Variants in RNGTT observed in about 807,000 individuals in gnomAD.
The protein encoded by RNGTT is mRNA-capping enzyme.
Under a neutral mutation model 79.3 loss-of-function variants are expected in RNGTT, and 33 were observed. That is an observed-to-expected ratio of 0.42 (90% CI 0.32 to 0.56). The LOEUF is 0.56. Ranked by LOEUF, RNGTT falls within the 20% of genes least tolerant of loss-of-function variation. RNGTT has a pLI of 0.17. For synonymous variants in RNGTT, 222 were observed against 235.9 expected, an observed-to-expected ratio of 0.94 and a Z score of 0.54; for missense variants, 497 against 739.1, an observed-to-expected ratio of 0.67 and a Z score of 3.80.
At chr6:88,625,052 C>T (rs1048529908) in intron 14 of RNGTT, among the ~76,000 whole-genome samples, 2 of 151,784 alleles carry the variant, frequency 1.3e-5, no homozygotes, top group African/African-American at 4.8e-5. Flanking sequence ...ATTAGAATGT[C>T]TAAAATAAAA....
chr6:88,636,351 A>G (rs182777215), intron 14 of RNGTT, among the ~76,000 whole-genome samples: 14 of 152,162 alleles, frequency 9.2e-5, no homozygotes, highest in African/African-American at 3.1e-4. Flanking sequence ...TTTTGCTAAT[A>G]TATCACCCTT....
At chr6:88,779,459 T>G (rs1354563783) in intron 12 of RNGTT, among the ~76,000 whole-genome samples, 1 of 152,186 alleles carries the variant, frequency 6.6e-6, no homozygotes, top group African/African-American at 2.4e-5. Context: ...ATATGTAATT[T>G]TATTTATATA....
At chr6:88,833,446 T>C (rs537040427) in intron 11 of RNGTT, among the ~76,000 whole-genome samples, 1 of 152,190 alleles carries the variant, frequency 6.6e-6, no homozygotes, top group South Asian at 2.1e-4. Flanking sequence ...ATGGGAGGGA[T>C]AGCATTAGGA....
At chr6:88,802,388 A>G (rs925628565) in intron 11 of RNGTT, among the ~76,000 whole-genome samples, 15 of 152,182 alleles carry the variant, frequency 9.9e-5, no homozygotes, top group Non-Finnish European at 1.9e-4. Context: ...TATAGACCCC[A>G]TACCCTCTAA....
intron 12 of RNGTT, among the ~76,000 whole-genome samples, chr6:88,784,723 C>T (rs1387378871): frequency 2.0e-5 from 3 of 152,040 alleles, no homozygotes; most frequent in African/African-American, 4.8e-5. Context: ...TTGCTATAAG[C>T]ATAAGGGATA....
intron 11 of RNGTT, among the ~76,000 whole-genome samples, chr6:88,833,275 G>A (rs1780941206): frequency 6.6e-6 from 1 of 152,108 alleles, no homozygotes; most frequent in East Asian, 1.9e-4. Context: ...TCCTTTTCAG[G>A]GACATGGATG....
At chr6:88,747,061 T>C (rs1454169807) in intron 13 of RNGTT, among the ~76,000 whole-genome samples, 1 of 152,164 alleles carries the variant, frequency 6.6e-6, no homozygotes, top group Non-Finnish European at 1.5e-5. Context: ...AGAATCCCCA[T>C]AGGCACTCTC....
At chr6:88,959,671 CTT>C (rs1237354384) in intron 1 of RNGTT, among the ~76,000 whole-genome samples, 2 of 152,286 alleles carry the variant, frequency 1.3e-5, no homozygotes, top group African/African-American at 2.4e-5. Flanking sequence ...CATTTCCACT[CTT>C]TTCTCCATCA....
intron 14 of RNGTT, among the ~76,000 whole-genome samples, chr6:88,643,958 C>A (rs1773427668): frequency 6.6e-6 from 1 of 151,954 alleles, no homozygotes; most frequent in African/African-American, 2.4e-5. Context: ...GAAGCAAGAG[C>A]AAACACATTC....
chr6:88,865,134 A>G (rs16881095), intron 8 of RNGTT, among the ~76,000 whole-genome samples: 128 of 152,244 alleles, frequency 8.4e-4, no homozygotes, highest in East Asian at 7.7e-3. Context: ...AAAGAATTAA[A>G]TGAGTTAATA....
chr6:88,680,297 T>C (rs566219709), intron 13 of RNGTT, among the ~76,000 whole-genome samples: 29 of 152,300 alleles, frequency 1.9e-4, no homozygotes, highest in African/African-American at 7.0e-4. Flanking sequence ...ATAATAATAA[T>C]AACCAGGTGA....
intron 11 of RNGTT, among the ~76,000 whole-genome samples, chr6:88,813,476 A>T (rs1780209578): frequency 6.6e-6 from 1 of 152,188 alleles, no homozygotes; most frequent in African/African-American, 2.4e-5. Context: ...TTGTTAGTCG[A>T]CTTGCAATAA....
chr6:88,689,974 C>A (rs1472037126), intron 13 of RNGTT, among the ~76,000 whole-genome samples: 1 of 151,850 alleles, frequency 6.6e-6, no homozygotes, highest in Non-Finnish European at 1.5e-5. Context: ...ATCAACACAC[C>A]CCCTTCACTA....
In RNGTT at chr6:88,667,305, T is replaced by C. The variant is rs781585810; in HGVS notation, c.1506+11048A>G. On this transcript the variant is annotated intron_variant, in intron 14 of 15. Coordinates refer to ENST00000369485, the MANE Select transcript of RNGTT (RefSeq NM_003800.5). ...ATGCCACAGCTACTAGGGGCCACAGTTGTGCTGGCTGTGCATGAGACCACC... is the reference window on the plus strand; with the variant it reads ...ATGCCACAGCTACTAGGGGCCACAGCTGTGCTGGCTGTGCATGAGACCACC... Among the ~76,000 whole-genome samples, 6 of 152,166 alleles carry C rather than the reference T, an allele frequency of 3.9e-5. No homozygotes were observed. In the East Asian group the frequency reaches 5.8e-4, roughly 15 times the overall value.
chr6:88,859,962 T>G (rs1008519023), intron 8 of RNGTT, among the ~76,000 whole-genome samples: 19 of 152,120 alleles, frequency 1.2e-4, no homozygotes, highest in African/African-American at 4.6e-4. Context: ...GGTAAATAAA[T>G]GCAGACCACT....
chr6:88,620,791 AC>A (rs1772415311), intron 14 of RNGTT, among the ~76,000 whole-genome samples: 2 of 152,332 alleles, frequency 1.3e-5, no homozygotes, highest in African/African-American at 4.8e-5. Context: ...GGAGTTGGAC[AC>A]CATAAAAATT....
At chr6:88,642,790 T>C (rs772252160) in intron 14 of RNGTT, among the ~76,000 whole-genome samples, 1 of 152,232 alleles carries the variant, frequency 6.6e-6, no homozygotes, top group Non-Finnish European at 1.5e-5. Flanking sequence ...GTATAATATG[T>C]CTTAGGCACA....
chr6:88,619,166 T>G (rs983017130), intron 14 of RNGTT, among the ~76,000 whole-genome samples: 2 of 151,994 alleles, frequency 1.3e-5, no homozygotes, highest in African/African-American at 2.4e-5. Context: ...TACCACAGAT[T>G]TTTCTTTTTT....
chr6:88,810,717 T>G (rs912010814), intron 11 of RNGTT, among the ~76,000 whole-genome samples: 1 of 152,242 alleles, frequency 6.6e-6, no homozygotes, highest in Non-Finnish European at 1.5e-5. Flanking sequence ...TTTCTCCTTT[T>G]CTATATATAA....
Sources: allele counts gnomAD v4.1 joint callset (sites outside exome capture counted in the v4.1 genomes callset), GRCh38; gene constraint gnomAD v4.1.1; transcripts MANE v1.5; gene names NCBI Gene and HGNC (gene_info 2026-07-23, HGNC 2026-07-21).